The following MTR variants were observed in gnomAD, a reference collection of about 807,000 sequenced individuals.
MTR encodes the protein methionine synthase.
In MTR, 84 loss-of-function variants were observed where a neutral mutation model predicts 154.8. The ratio of observed to expected loss-of-function variants is 0.54; its 90% CI spans 0.45 to 0.65. The LOEUF (loss-of-function observed/expected upper bound fraction) is 0.65, where lower values mean the gene tolerates loss of function less well. Ranked by LOEUF, MTR falls within the 30% of genes least tolerant of loss-of-function variation. The pLI, the probability that MTR is intolerant of heterozygous loss-of-function variation, is 0.00. For missense variants in MTR, 1,275 were observed against 1,570.2 expected (o/e 0.81, Z 3.18); for synonymous variants, 554 against 553.9 (o/e 1.00, Z 0.00).
At chr1:236,807,472 C>T (rs1013536175) in intron 3 of MTR, among the ~76,000 whole-genome samples, 6 of 152,190 alleles carry the variant, frequency 3.9e-5, no homozygotes, top group Non-Finnish European at 8.8e-5. Context: ...CCGCGCCTGG[C>T]CGGCTGTACC....
chr1:236,806,337 C>T (rs778937056), intron 3 of MTR, 104 bp downstream of exon 3: 80 of 890,876 alleles, frequency 9.0e-5, no homozygotes, highest in Non-Finnish European at 1.3e-4. Flanking sequence ...CAAGCTAATG[C>T]CTAGTTATCT....
chr1:236,897,771 T>G lies in MTR; in HGVS notation c.*127T>G. On this transcript the variant is annotated 3_prime_UTR_variant, in exon 33 of 33. Transcript: ENST00000366577. ...GCTGACACTTACCTGCTTCTGGTTT[T>G]CGAAGACTATTTAGTGGAACCTTGT... is the stretch of plus-strand genomic sequence containing the variant. 1.2e-6 allele frequency: 1 copy of G among 817,454 alleles called. No individual in the cohort carries two copies. The highest frequency in any genetic ancestry group is 2.0e-6 in the Non-Finnish European group (1 of 495,528). 50.6% of individuals were successfully genotyped at this position (817,454 alleles called of 1,614,324 possible).
intron 15 of MTR, among the ~76,000 whole-genome samples, chr1:236,840,099 C>T (rs568591392): frequency 6.0e-4 from 91 of 152,108 alleles, no homozygotes; most frequent in African/African-American, 2.1e-3. Flanking sequence ...TTCTTTCTGT[C>T]TTTGTTTTGT....
intron 4 of MTR, 65 bp from the exon 5 acceptor site, chr1:236,810,438 A>C (rs753736099): frequency 2.5e-5 from 32 of 1,268,668 alleles, no homozygotes; most frequent in Non-Finnish European, 3.3e-5. Context: ...CTTATTGGCT[A>C]TTCATTCACG....
At chr1:236,831,483 A>G (rs2103127752) in intron 12 of MTR, among the ~76,000 whole-genome samples, 2 of 152,284 alleles carry the variant, frequency 1.3e-5, no homozygotes, top group African/African-American at 4.8e-5. Flanking sequence ...TATGGGTTCT[A>G]GGCCTCTGAA....
intron 4 of MTR, 24 bp from the exon 5 acceptor site, chr1:236,810,479 A>G (rs189451707): frequency 7.5e-6 from 12 of 1,594,268 alleles, no homozygotes; most frequent in East Asian, 2.2e-5. Context: ...TAGAGATCTC[A>G]CACTTGTTTT....
chr1:236,798,599 A>G (rs1482613918), intron 1 of MTR, among the ~76,000 whole-genome samples: 1 of 152,254 alleles, frequency 6.6e-6, no homozygotes, highest in Non-Finnish European at 1.5e-5. Flanking sequence ...TCTCCTCTGC[A>G]CTGCGGTTAT....
intron 24 of MTR, 85 bp from the exon 25 acceptor site, chr1:236,880,670 C>A: frequency 9.2e-7 from 1 of 1,083,824 alleles, no homozygotes; most frequent in South Asian, 1.3e-5. Flanking sequence ...TGTAGAAATA[C>A]ATTATCTCTA....
chr1:236,827,755 C>A (rs1662375361), intron 11 of MTR, among the ~76,000 whole-genome samples: 1 of 152,094 alleles, frequency 6.6e-6, no homozygotes, highest in South Asian at 2.1e-4. Context: ...TGTTTAATTC[C>A]TTAGAGTTTT....
At chr1:236,882,894 G>T (rs1333994249) in intron 25 of MTR, among the ~76,000 whole-genome samples, 2 of 152,230 alleles carry the variant, frequency 1.3e-5, no homozygotes, top group Non-Finnish European at 2.9e-5. Flanking sequence ...GGTAACTGCT[G>T]GTGACACTTC....
chr1:236,888,031 G>A (rs1184614998), intron 27 of MTR, among the ~76,000 whole-genome samples: 5 of 152,224 alleles, frequency 3.3e-5, no homozygotes, highest in Admixed American at 3.3e-4. Context: ...ATTGTCCCGT[G>A]TAGTAGAAGG....
intron 5 of MTR, among the ~76,000 whole-genome samples, chr1:236,812,452 G>A (rs556221169): frequency 6.6e-6 from 1 of 152,312 alleles, no homozygotes; most frequent in East Asian, 1.9e-4. Context: ...TTGAATGGGG[G>A]GTACATGTTC....
chr1:236,861,010 G>T, intron 19 of MTR, 115 bp from the exon 20 acceptor site: 1 of 889,754 alleles, frequency 1.1e-6, no homozygotes. Context: ...CTCTGCTTCT[G>T]GAACCTGTGC....
chr1:236,809,866 A>G (rs1189795371), intron 4 of MTR, among the ~76,000 whole-genome samples: 1 of 152,242 alleles, frequency 6.6e-6, no homozygotes, highest in Non-Finnish European at 1.5e-5. Context: ...CCTGGACTTC[A>G]GGGCAGAGGA....
intron 15 of MTR, among the ~76,000 whole-genome samples, chr1:236,839,996 G>GT: frequency 6.6e-6 from 1 of 152,300 alleles, no homozygotes; most frequent in East Asian, 1.9e-4. Flanking sequence ...TTTGATGGTT[G>GT]TCAACTGGGT....
intron 5 of MTR, 29 bp from the exon 6 acceptor site, chr1:236,812,709 A>T: frequency 1.3e-6 from 2 of 1,577,654 alleles, no homozygotes; most frequent in Non-Finnish European, 1.7e-6. Flanking sequence ...TTGATGACTG[A>T]TGTGCTGGGT....
intron 15 of MTR, among the ~76,000 whole-genome samples, chr1:236,838,983 T>G (rs74888675): frequency 0.02 from 3,003 of 152,338 alleles, 114 homozygotes; most frequent in African/African-American, 0.069. Flanking sequence ...CACAATGATA[T>G]GTATTTGTGT....
chr1:236,834,603 G>T (rs1400023478), intron 13 of MTR, among the ~76,000 whole-genome samples: 1 of 151,756 alleles, frequency 6.6e-6, no homozygotes, highest in Admixed American at 6.6e-5. Context: ...AGTGCTAAAA[G>T]TTTCTATTTT....
intron 31 of MTR, 122 bp from the exon 32 acceptor site, chr1:236,896,884 C>G: frequency 1.3e-6 from 1 of 791,064 alleles, no homozygotes; most frequent in Non-Finnish European, 2.3e-6. Flanking sequence ...ATGTGTCTAC[C>G]TAGAAGGCAT....
Sources: gnomAD v4.1 joint callset for allele counts (sites outside exome capture counted in the v4.1 genomes callset) on GRCh38, gnomAD v4.1.1 for gene constraint, MANE v1.5 for transcripts, NCBI Gene and HGNC (gene_info 2026-07-23, HGNC 2026-07-21) for gene names.